The following ANXA6 variants were observed in gnomAD, a reference collection of about 807,000 sequenced individuals.
The protein encoded by ANXA6 is 67 kDa calelectrin.
Under a neutral mutation model 95.4 loss-of-function variants are expected in ANXA6, and 71 were observed. The ratio of observed to expected loss-of-function variants is 0.74; its 90% CI spans 0.61 to 0.91. The LOEUF is 0.91. Among genes scored for constraint, ANXA6 ranks in the 40% least tolerant of loss-of-function variants. The pLI is 0.00. For missense variants in ANXA6, 830 were observed against 876.4 expected (o/e 0.95, Z 0.67); for synonymous variants, 289 against 315.9 (o/e 0.91, Z 0.90).
At chr5:151,105,203 G>T in intron 24 of ANXA6, 42 bp downstream of exon 24, 1 of 1,571,868 alleles carries the variant, frequency 6.4e-7, no homozygotes, top group Non-Finnish European at 8.8e-7. Flanking sequence ...GTGTATGTAA[G>T]TCAGTGCTTG....
chr5:151,122,846 TG>T (rs1271011384), intron 16 of ANXA6, 70 bp downstream of exon 16: 11 of 1,398,718 alleles, frequency 7.9e-6, no homozygotes, highest in Non-Finnish European at 1.0e-5. Context: ...GCAGAACCGA[TG>T]GGGACAGGCT....
rs557062451 is a variant in ANXA6, at chr5:151,129,512, G to T, written c.813C>A (p.Asp271Glu). Residue 271 changes from aspartate (D) to glutamate (E), a missense_variant, in exon 12 of 26, where the codon GAC becomes GAA. Coordinates refer to ENST00000354546, the MANE Select transcript of ANXA6 (RefSeq NM_001155.5). Reference sequence around the variant, plus strand: ...AGACCATGATGCGGATCAGGGTGTTGTCCCGAGTCCCCAGGCCCTGCAAGA... The same window carrying T: ...AGACCATGATGCGGATCAGGGTGTTTTCCCGAGTCCCCAGGCCCTGCAAGA... ...FKAMKGLGTRDNTLIRIMVSR... is the reference protein window; with the variant it reads ...FKAMKGLGTRENTLIRIMVSR... The T allele has an allele frequency of 6.2e-7, 1 of 1,606,112 alleles. No individual in the cohort carries two copies. Among genetic ancestry groups the T allele is most frequent in the South Asian group, 1.1e-5 (1 of 89,622 alleles).
chr5:151,128,346 C>A, intron 12 of ANXA6, 107 bp from the exon 13 acceptor site: 1 of 948,684 alleles, frequency 1.1e-6, no homozygotes, highest in East Asian at 2.6e-5. Flanking sequence ...TGAATGAACA[C>A]TTATTCATAG....
chr5:151,107,441 C>T (rs80303941), intron 23 of ANXA6, among the ~76,000 whole-genome samples: 5 of 152,150 alleles, frequency 3.3e-5, no homozygotes, highest in African/African-American at 9.7e-5. Context: ...CGGGCTATCC[C>T]GCCTCCTAGA....
intron 23 of ANXA6, among the ~76,000 whole-genome samples, chr5:151,106,748 C>T (rs1764703989): frequency 1.3e-5 from 2 of 152,166 alleles, no homozygotes; most frequent in African/African-American, 4.8e-5. Context: ...AGACCTAGGG[C>T]TTTATCAGTC....
At chr5:151,140,783 T>C (rs1765813662) in intron 2 of ANXA6, among the ~76,000 whole-genome samples, 1 of 152,166 alleles carries the variant, frequency 6.6e-6, no homozygotes, top group Non-Finnish European at 1.5e-5. Context: ...GTGAATGTCA[T>C]TAGTGTAGCC....
intron 20 of ANXA6, among the ~76,000 whole-genome samples, chr5:151,113,300 G>A (rs1218266743): frequency 1.3e-5 from 2 of 152,104 alleles, no homozygotes; most frequent in African/African-American, 2.4e-5. Context: ...TACTCAGGAG[G>A]GTGAGGCAGG....
At chr5:151,121,083 T>C (rs1765154821) in intron 17 of ANXA6, among the ~76,000 whole-genome samples, 1 of 152,276 alleles carries the variant, frequency 6.6e-6, no homozygotes, top group African/African-American at 2.4e-5. Flanking sequence ...CATCTCAATC[T>C]GCTTAGCCTA....
At chr5:151,109,344 T>A (rs989508526) in intron 22 of ANXA6, among the ~76,000 whole-genome samples, 2 of 152,226 alleles carry the variant, frequency 1.3e-5, no homozygotes, top group African/African-American at 4.8e-5. Flanking sequence ...TGCGGCAGCC[T>A]GTGGTTCAAA....
intron 2 of ANXA6, 95 bp downstream of exon 2, chr5:151,147,789 G>T (rs1292180472): frequency 5.1e-6 from 7 of 1,371,992 alleles, no homozygotes; most frequent in Admixed American, 2.0e-5. Flanking sequence ...CAAGCTGAAG[G>T]TACCAGGGGT....
intron 1 of ANXA6, among the ~76,000 whole-genome samples, chr5:151,157,107 A>G (rs1048913201): frequency 6.6e-6 from 1 of 152,178 alleles, no homozygotes; most frequent in African/African-American, 2.4e-5. Flanking sequence ...GACTGCATTC[A>G]TAGACAAGCA....
At chr5:151,106,672 C>T (rs925953834) in intron 23 of ANXA6, among the ~76,000 whole-genome samples, 1 of 152,192 alleles carries the variant, frequency 6.6e-6, no homozygotes. Context: ...TCCCATCCTT[C>T]AAGGCTGTAC....
chr5:151,119,542 C>T (rs1478266786), intron 17 of ANXA6, among the ~76,000 whole-genome samples, 152 bp from the exon 18 acceptor site: 2 of 152,238 alleles, frequency 1.3e-5, no homozygotes, highest in Non-Finnish European at 2.9e-5. Context: ...CTTGGCACAA[C>T]CAAGGCTGAC....
rs983213911 is a variant in ANXA6, at chr5:151,101,075, C to A, written c.*373G>T. The A allele has an allele frequency of 6.2e-6, 3 of 480,758 alleles. No homozygotes were observed. Among genetic ancestry groups the A allele is most frequent in the African/African-American group, 1.9e-5 (1 of 51,380 alleles). 29.8% of individuals were successfully genotyped at this position (480,758 alleles called of 1,614,324 possible). ...ACATTCAACTGGCCCCTGCCACCAA[C>A]CCCCTCATTCAAAGTACAGACACTA... On this transcript the variant is annotated 3_prime_UTR_variant, in exon 26 of 26. Coordinates refer to ENST00000354546, the MANE Select transcript of ANXA6 (RefSeq NM_001155.5).
chr5:151,125,806 A>C (rs1765299348), intron 14 of ANXA6, among the ~76,000 whole-genome samples: 1 of 152,194 alleles, frequency 6.6e-6, no homozygotes, highest in African/African-American at 2.4e-5. Context: ...CTAAGAGATC[A>C]CCGAGATTGC....
chr5:151,119,838 A>C (rs921025787), intron 17 of ANXA6, among the ~76,000 whole-genome samples: 6 of 152,100 alleles, frequency 3.9e-5, no homozygotes, highest in Non-Finnish European at 5.9e-5. Context: ...AACATGTATT[A>C]TTTTGTTAGA....
chr5:151,149,739 C>T (rs866843608), intron 1 of ANXA6, among the ~76,000 whole-genome samples: 3 of 152,274 alleles, frequency 2.0e-5, no homozygotes, highest in African/African-American at 4.8e-5. Context: ...CCTCCTCAGT[C>T]TCTCAAAGTG....
In ANXA6 at chr5:151,135,543, C is replaced by G. The variant is rs1765633854; in HGVS notation, c.489+713G>C. Among the ~76,000 whole-genome samples the G allele has an allele frequency of 3.3e-5, 5 of 152,284 alleles. No homozygotes were observed. The Middle Eastern group carries it at 0.01, about 311-fold the overall frequency. ...TTTCATAACCATTTGGTCCTTGGAG[C>G]TGAGCTTGAGACATCTCAATGCCTG... On this transcript the variant is annotated intron_variant, in intron 7 of 25. Coordinates refer to ENST00000354546, the MANE Select transcript of ANXA6 (RefSeq NM_001155.5).
intron 13 of ANXA6, among the ~76,000 whole-genome samples, chr5:151,127,844 A>C (rs916708474): frequency 1.3e-5 from 2 of 152,162 alleles, no homozygotes; most frequent in African/African-American, 2.4e-5. Context: ...TTCCCATTTA[A>C]CAGGTGATGA....
Sources: gnomAD v4.1 joint callset for allele counts (sites outside exome capture counted in the v4.1 genomes callset) on GRCh38, gnomAD v4.1.1 for gene constraint, MANE v1.5 for transcripts, NCBI Gene and HGNC (gene_info 2026-07-23, HGNC 2026-07-21) for gene names.